The following SSH2 variants were observed in gnomAD, a reference collection of about 807,000 sequenced individuals.
The protein encoded by SSH2 is protein phosphatase Slingshot homolog 2.
SSH2 carries 37 observed loss-of-function variants against 135.2 expected under a neutral mutation model. The observed-to-expected ratio is 0.27, with a 90% confidence interval of 0.21 to 0.36. The LOEUF (loss-of-function observed/expected upper bound fraction) is 0.36, where lower values mean the gene tolerates loss of function less well. Among genes scored for constraint, SSH2 ranks in the 10% least tolerant of loss-of-function variants. The pLI is 1.00. For missense variants in SSH2, 1,408 were observed against 1,765.3 expected, an observed-to-expected ratio of 0.80 and a Z score of 3.63; for synonymous variants, 628 against 646.2, an observed-to-expected ratio of 0.97 and a Z score of 0.43.
chr17:29,704,402 T>C (rs2039115397), intron 3 of SSH2, among the ~76,000 whole-genome samples: 1 of 152,158 alleles, frequency 6.6e-6, no homozygotes, highest in Admixed American at 6.6e-5. Flanking sequence ...ATAGTAACTA[T>C]TCAAAATACA....
chr17:29,642,844 C>T (rs555222113), intron 14 of SSH2, among the ~76,000 whole-genome samples: 123 of 152,270 alleles, frequency 8.1e-4, no homozygotes, highest in Non-Finnish European at 1.6e-3. Flanking sequence ...ACTTTGAAAA[C>T]TTCTCTTCTA....
At chr17:29,784,356 C>T (rs1169829099) in intron 3 of SSH2, among the ~76,000 whole-genome samples, 1 of 149,564 alleles carries the variant, frequency 6.7e-6, no homozygotes, top group Non-Finnish European at 1.5e-5. Context: ...TTGCATTCCA[C>T]CCTGGGCGAC....
intron 2 of SSH2, among the ~76,000 whole-genome samples, chr17:29,822,316 A>G (rs186012238): frequency 6.6e-6 from 1 of 152,190 alleles, no homozygotes; most frequent in Non-Finnish European, 1.5e-5. Context: ...TACTGTTAAA[A>G]TGATGTCATA....
intron 1 of SSH2, among the ~76,000 whole-genome samples, chr17:29,878,872 GAGAAACA>G (rs1235378080): frequency 6.6e-6 from 1 of 152,176 alleles, no homozygotes; most frequent in Non-Finnish European, 1.5e-5. Flanking sequence ...TGGATAGGCA[GAGAAACA>G]AGCTCAAAGC....
At chr17:29,648,791 G>A (rs1183746855) in intron 13 of SSH2, among the ~76,000 whole-genome samples, 6 of 152,076 alleles carry the variant, frequency 3.9e-5, no homozygotes, top group Non-Finnish European at 8.8e-5. Flanking sequence ...GAGGTTGGGG[G>A]TTCGAGACCA....
chr17:29,848,880 C>T lies in SSH2; in HGVS notation c.113G>A (p.Cys38Tyr), dbSNP rs2065494608. 2 of 1,534,478 alleles carry T rather than the reference C, an allele frequency of 1.3e-6. No homozygotes were observed. Among genetic ancestry groups the T allele is most frequent in the Non-Finnish European group, 1.7e-6 (2 of 1,145,870 alleles). Residue 38 changes from cysteine to tyrosine, a missense_variant, in exon 2 of 16, where the codon TGT becomes TAT. Coordinates refer to ENST00000540801, the MANE Select transcript of SSH2 (RefSeq NM_001282129.2). The stretch of plus-strand genomic sequence containing the variant: ...ATCAGTAAAGATTTCTGATTCTTCA[C>T]ATTCACAGCAAAGTAATGCTGCTGA... ...SESAALLCCE[C>Y]EESEIFTDSN...
Position 29,873,498 on chromosome 17 carries a change from G to A in SSH2, c.64-24569C>T, listed in dbSNP as rs907109371. Reference sequence around the variant, plus strand: ...CACTTGAACCCGGGAGGTGGAGGCTGCAATGACCTGAGCTCGCCCTGCTGC... The same window carrying A: ...CACTTGAACCCGGGAGGTGGAGGCTACAATGACCTGAGCTCGCCCTGCTGC... On this transcript the variant is annotated intron_variant, in intron 1 of 15. Coordinates refer to ENST00000540801, the MANE Select transcript of SSH2 (RefSeq NM_001282129.2). Among the ~76,000 whole-genome samples the A allele has an allele frequency of 7.2e-5, 11 of 152,098 alleles. No individual in the cohort carries two copies. The East Asian group carries it at 2.1e-3, about 29-fold the overall frequency.
intron 12 of SSH2, among the ~76,000 whole-genome samples, chr17:29,652,757 A>G (rs531453733): frequency 6.6e-6 from 1 of 152,226 alleles, no homozygotes; most frequent in East Asian, 1.9e-4. Flanking sequence ...CTCCCCGTTC[A>G]AGCAATTCTC....
intron 1 of SSH2, among the ~76,000 whole-genome samples, chr17:29,894,307 T>C (rs1170740345): frequency 6.6e-6 from 1 of 152,072 alleles, no homozygotes; most frequent in Non-Finnish European, 1.5e-5. Context: ...GAGTAACACA[T>C]GTATCTCTTC....
intron 2 of SSH2, among the ~76,000 whole-genome samples, chr17:29,806,250 T>C (rs2042343598): frequency 6.6e-6 from 1 of 152,210 alleles, no homozygotes; most frequent in Non-Finnish European, 1.5e-5. Context: ...CACTCCGGAA[T>C]GAATGCCATG....
At chr17:29,826,896 T>C (rs755091078) in intron 2 of SSH2, among the ~76,000 whole-genome samples, 11 of 152,118 alleles carry the variant, frequency 7.2e-5, no homozygotes, top group Non-Finnish European at 1.3e-4. Flanking sequence ...CAGAATCAGA[T>C]GGAGTAAAGT....
intron 3 of SSH2, among the ~76,000 whole-genome samples, chr17:29,720,201 T>C (rs561604358): frequency 1.3e-5 from 2 of 152,332 alleles, no homozygotes; most frequent in African/African-American, 4.8e-5. Flanking sequence ...CCAATAGGGT[T>C]CTAAAAGTGA....
chr17:29,712,734 G>A (rs967519986), intron 3 of SSH2, among the ~76,000 whole-genome samples: 1 of 152,118 alleles, frequency 6.6e-6, no homozygotes. Context: ...AATCCGGGAG[G>A]TGGAATTTGC....
At chr17:29,689,157 CA>C (rs5819872) in intron 5 of SSH2, among the ~76,000 whole-genome samples, 121,480 of 145,104 alleles carry the variant, frequency 0.84, 50,486 homozygotes, top group Middle Eastern at 0.9. Context: ...GTGAGACTCT[CA>C]AAAAAAAAAA....
intron 3 of SSH2, among the ~76,000 whole-genome samples, chr17:29,723,538 T>C (rs969520645): frequency 3.3e-5 from 5 of 152,156 alleles, no homozygotes; most frequent in African/African-American, 9.7e-5. Flanking sequence ...GTATGGAAGA[T>C]ATTACAAAAC....
chr17:29,761,883 A>T (rs112849764), intron 3 of SSH2, among the ~76,000 whole-genome samples: 35,730 of 126,862 alleles, frequency 0.28, 5,475 homozygotes, highest in Non-Finnish European at 0.35. Flanking sequence ...ATATATATAT[A>T]TATATTTTTT....
At chr17:29,715,255 T>C (rs565168435) in intron 3 of SSH2, among the ~76,000 whole-genome samples, 5 of 151,894 alleles carry the variant, frequency 3.3e-5, no homozygotes, top group South Asian at 2.1e-4. Context: ...TTCTTTCTTT[T>C]TTTTTTTTGA....
chr17:29,630,910 G>A lies in SSH2; in HGVS notation c.4284C>T (p.His1428=). The A allele has an allele frequency of 6.2e-7, 1 of 1,604,660 alleles. No individual in the cohort carries two copies. Among genetic ancestry groups the A allele is most frequent in the Non-Finnish European group, 8.5e-7 (1 of 1,172,348 alleles). Residue 1428 remains histidine, a synonymous_variant, in exon 16 of 16, where the codon CAC becomes CAT. Transcript: ENST00000540801. ...VAPRQQHGRT[H]PLRRLKKAND... The stretch of plus-strand genomic sequence containing the variant: ...TTGCCTTTTTCAGTCTCCTAAGGGG[G>A]TGAGTTCTGCCGTGTTGCTGACGGG...
chr17:29,812,522 G>A (rs1444055757), intron 2 of SSH2, among the ~76,000 whole-genome samples: 2 of 152,136 alleles, frequency 1.3e-5, no homozygotes, highest in Non-Finnish European at 2.9e-5. Context: ...GGATTCAAGC[G>A]ATCCTCCTGC....
Sources: gnomAD v4.1 joint callset for allele counts (sites outside exome capture counted in the v4.1 genomes callset) on GRCh38, gnomAD v4.1.1 for gene constraint, MANE v1.5 for transcripts, NCBI Gene and HGNC (gene_info 2026-07-23, HGNC 2026-07-21) for gene names.